RAPGEF4: variants seen among roughly 807,000 people sequenced by gnomAD.
RAPGEF4 encodes Rap guanine nucleotide exchange factor 4, also known as RAP guanine-nucleotide-exchange factor (GEF) 4.
A neutral mutation model predicts 147.9 loss-of-function variants in RAPGEF4; 66 were observed. The observed-to-expected ratio is 0.45, with a 90% CI of 0.37 to 0.55. The LOEUF is 0.55. Among genes scored for constraint, RAPGEF4 ranks in the 20% least tolerant of loss-of-function variants. The pLI is 0.00. For synonymous variants in RAPGEF4, 419 were observed against 442.7 expected (o/e 0.95, Z 0.67); for missense variants, 1,071 against 1,257.3 (o/e 0.85, Z 2.24).
At chr2:172,877,371 G>A (rs1696078256) in intron 4 of RAPGEF4, among the ~76,000 whole-genome samples, 1 of 152,046 alleles carries the variant, frequency 6.6e-6, no homozygotes, top group African/African-American at 2.4e-5. Context: ...CTGTCAGAGG[G>A]TGGGGGACCA....
chr2:172,958,890 C>T (rs184233444), intron 6 of RAPGEF4, among the ~76,000 whole-genome samples: 35 of 152,212 alleles, frequency 2.3e-4, no homozygotes, highest in Non-Finnish European at 2.8e-4. Flanking sequence ...AGCATCAACC[C>T]ACTTGAAACT....
At chr2:172,758,313 G>A (rs1695971126) in intron 1 of RAPGEF4, among the ~76,000 whole-genome samples, 1 of 152,172 alleles carries the variant, frequency 6.6e-6, no homozygotes, top group African/African-American at 2.4e-5. Context: ...GACAGAGAAT[G>A]AGGGCAGATC....
chr2:173,020,823 C>G (rs756746588), intron 23 of RAPGEF4, 108 bp downstream of exon 23: 28 of 795,070 alleles, frequency 3.5e-5, no homozygotes, highest in Non-Finnish European at 5.1e-5. Context: ...TTGAATGGTA[C>G]TTAGCTTTTT....
chr2:173,016,603 CAGA>C (rs1240422201), intron 19 of RAPGEF4, among the ~76,000 whole-genome samples, 166 bp downstream of exon 19: 6 of 152,230 alleles, frequency 3.9e-5, no homozygotes, highest in Non-Finnish European at 8.8e-5. Context: ...GCCAGAGGAA[CAGA>C]AGGACTGAGA....
At chr2:172,827,152 ATAAAT>A (rs1198627670) in intron 4 of RAPGEF4, among the ~76,000 whole-genome samples, 5 of 152,206 alleles carry the variant, frequency 3.3e-5, no homozygotes, top group Non-Finnish European at 7.3e-5. Flanking sequence ...ATGAAAATTA[ATAAAT>A]TAAAAGCCTT....
chr2:172,965,463 C>T, intron 8 of RAPGEF4, 99 bp from the exon 9 acceptor site: 1 of 1,348,970 alleles, frequency 7.4e-7, no homozygotes, highest in Non-Finnish European at 1.1e-6. Flanking sequence ...GGTAGGAGAT[C>T]ATTAAGCCCT....
At chr2:172,972,218 G>A (rs1451869412) in intron 10 of RAPGEF4, among the ~76,000 whole-genome samples, 1 of 152,168 alleles carries the variant, frequency 6.6e-6, no homozygotes, top group Non-Finnish European at 1.5e-5. Context: ...GCGCGTGAGA[G>A]CCTGTGTATT....
rs79226171 is a variant in RAPGEF4, at chr2:172,869,510, A to G, written c.445-48292A>G. Among the ~76,000 whole-genome samples, 1,314 of 152,310 alleles carry G rather than the reference A, an allele frequency of 8.6e-3. 15 individuals carry two copies. Among genetic ancestry groups the G allele is most frequent in the East Asian group, 0.033 (172 of 5,188 alleles). On this transcript the variant is annotated intron_variant, in intron 4 of 30. Transcript: ENST00000397081. ...AAATTTTGTGTCTTGAGAACTATAG[A>G]TGGAAAATTGTTTTCTAATATTTAG...
chr2:172,943,981 G>T (rs1687425777), intron 6 of RAPGEF4, among the ~76,000 whole-genome samples: 1 of 152,142 alleles, frequency 6.6e-6, no homozygotes, highest in South Asian at 2.1e-4. Flanking sequence ...GATAATAATA[G>T]ATCAATTATT....
intron 4 of RAPGEF4, among the ~76,000 whole-genome samples, chr2:172,887,044 G>T (rs530164022): frequency 6.6e-6 from 1 of 152,088 alleles, no homozygotes; most frequent in South Asian, 2.1e-4. Flanking sequence ...AAAATTAGCT[G>T]GGTGTGGTGA....
At chr2:172,891,271 A>C (rs1489017743) in intron 4 of RAPGEF4, among the ~76,000 whole-genome samples, 1 of 152,160 alleles carries the variant, frequency 6.6e-6, no homozygotes, top group African/African-American at 2.4e-5. Context: ...TCTTCCCTTC[A>C]TGAGTTTCAT....
intron 5 of RAPGEF4, among the ~76,000 whole-genome samples, chr2:172,918,371 CCACACACA>C (rs377074360): frequency 1.7e-3 from 240 of 137,690 alleles, no homozygotes; most frequent in African/African-American, 3.3e-3. Flanking sequence ...GATGCTCTTA[CCACACACA>C]CACACACACA....
At chr2:172,735,810 C>T (rs1693687315), upstream of RAPGEF4, 15 of 338,214 alleles carry the variant, frequency 4.4e-5, no homozygotes, top group South Asian at 1.9e-3. Context: ...TCCCTCTCCC[C>T]ACCGCCCCAG....
intron 11 of RAPGEF4, among the ~76,000 whole-genome samples, chr2:172,984,816 G>A (rs540645180): frequency 1.8e-4 from 28 of 152,124 alleles, no homozygotes; most frequent in Admixed American, 1.5e-3. Context: ...GGGTAGTCTC[G>A]TCTTCTACCT....
chr2:173,034,873 A>AACACAC (rs34646146), intron 27 of RAPGEF4, among the ~76,000 whole-genome samples: 3,613 of 140,920 alleles, frequency 0.026, 89 homozygotes, highest in African/African-American at 0.066. Flanking sequence ...ACCCCGTCTC[A>AACACAC]ACACACACAC....
intron 4 of RAPGEF4, among the ~76,000 whole-genome samples, chr2:172,885,512 A>G (rs1317770007): frequency 3.5e-4 from 53 of 152,182 alleles, no homozygotes; most frequent in Admixed American, 3.5e-3. Context: ...GAAGTGTTTT[A>G]TTGGACTTAC....
chr2:172,827,353 C>G (rs777278710), intron 4 of RAPGEF4, among the ~76,000 whole-genome samples: 1 of 152,068 alleles, frequency 6.6e-6, no homozygotes, highest in Non-Finnish European at 1.5e-5. Flanking sequence ...TTATCCAAGT[C>G]CCTTCTCCAG....
intron 4 of RAPGEF4, chr2:172,917,453 C>T (rs778638806): frequency 3.5e-6 from 2 of 574,550 alleles, no homozygotes; most frequent in Non-Finnish European, 6.7e-6. Context: ...CTATAAAGCT[C>T]GAGTGCCTTT....
At chr2:172,776,672 C>T (rs1254912798) in intron 1 of RAPGEF4, among the ~76,000 whole-genome samples, 1 of 151,980 alleles carries the variant, frequency 6.6e-6, no homozygotes, top group Non-Finnish European at 1.5e-5. Flanking sequence ...CTATTGCCTG[C>T]CTTGAGGTTC....
Sources: allele counts gnomAD v4.1 joint callset (sites outside exome capture counted in the v4.1 genomes callset), GRCh38; gene constraint gnomAD v4.1.1; transcripts MANE v1.5; gene names NCBI Gene and HGNC (gene_info 2026-07-23, HGNC 2026-07-21).